TENM3: variants seen among roughly 807,000 people sequenced by gnomAD.
TENM3 encodes the protein teneurin transmembrane protein 3, also known as teneurin-3.
A neutral mutation model predicts 255.1 loss-of-function variants in TENM3; 63 were observed. That is an observed-to-expected ratio of 0.25 (90% CI 0.20 to 0.30). The LOEUF is 0.30. TENM3 is among the 10% of genes least tolerant of loss of function. The pLI is 1.00. For missense variants in TENM3, 2,929 were observed against 3,461.1 expected (o/e 0.85, Z 3.86); for synonymous variants, 1,306 against 1,322.3 (o/e 0.99, Z 0.27).
intron 1 of TENM3, among the ~76,000 whole-genome samples, chr4:182,180,298 G>A (rs558885810): frequency 8.5e-5 from 13 of 152,144 alleles, no homozygotes; most frequent in Non-Finnish European, 1.9e-4. Flanking sequence ...ACATATTTAT[G>A]GAGGACGATA....
At chr4:182,568,883 G>A (rs909658329) in intron 3 of TENM3, among the ~76,000 whole-genome samples, 16 of 152,182 alleles carry the variant, frequency 1.1e-4, no homozygotes, top group African/African-American at 3.9e-4. Flanking sequence ...GCACAAACGA[G>A]TACATACTGT....
chr4:181,767,027 C>T, the TENM3 span, among the ~76,000 whole-genome samples: 55 of 146,950 alleles, frequency 3.7e-4, no homozygotes, highest in South Asian at 8.7e-4. Flanking sequence ...CCGAGGCGGG[C>T]GGATCACGAG....
rs193175259 is a variant in TENM3, at chr4:182,411,815, T to C, written c.511+64886T>C. Among the ~76,000 whole-genome samples the C allele has an allele frequency of 3.9e-3, 589 of 152,334 alleles. 3 individuals carry two copies. The highest frequency in any genetic ancestry group is 0.013 in the African/African-American group (552 of 41,574). On this transcript the variant is annotated intron_variant, in intron 3 of 27. Transcript: ENST00000511685. ...TCATGTGAGTTCATACTTTCATTCA[T>C]ACACCTTTTGCTTCTTCCTTGGTTC...
chr4:182,312,032 G>C (rs1341166291), intron 1 of TENM3, among the ~76,000 whole-genome samples: 2 of 152,202 alleles, frequency 1.3e-5, no homozygotes, highest in Non-Finnish European at 2.9e-5. Context: ...CCATATGGGG[G>C]TGTGAGCCCC....
the TENM3 span, among the ~76,000 whole-genome samples, chr4:181,454,691 T>TTTTTTTTTAC: frequency 6.7e-6 from 1 of 150,126 alleles, no homozygotes; most frequent in Non-Finnish European, 1.5e-5. Flanking sequence ...ACTTTTTTTT[T>TTTTTTTTTAC]CTGGTGTGCC....
intron 1 of TENM3, among the ~76,000 whole-genome samples, chr4:182,224,748 T>C (rs1756040542): frequency 6.6e-6 from 1 of 151,584 alleles, no homozygotes; most frequent in African/African-American, 2.4e-5. Flanking sequence ...TTTTTTTTTT[T>C]TTTTTTGAAG....
At chr4:181,696,138 A>G in the TENM3 span, among the ~76,000 whole-genome samples, 1 of 152,176 alleles carries the variant, frequency 6.6e-6, no homozygotes, top group African/African-American at 2.4e-5. Flanking sequence ...AGACTAGTGG[A>G]ATTACATTCC....
At chr4:182,728,883 AAAAC>A in intron 13 of TENM3, 78 bp from the exon 14 acceptor site, 2 of 1,147,112 alleles carry the variant, frequency 1.7e-6, no homozygotes, top group Non-Finnish European at 2.5e-6. Context: ...GAAAAAAAAA[AAAAC>A]AGTCAAGAAA....
chr4:182,647,377 T>C (rs1752848617), intron 5 of TENM3, among the ~76,000 whole-genome samples: 1 of 152,184 alleles, frequency 6.6e-6, no homozygotes, highest in South Asian at 2.1e-4. Flanking sequence ...CAACTCTCCA[T>C]TTCTCCATCC....
chr4:182,043,807 C>T, the TENM3 span, among the ~76,000 whole-genome samples: 4 of 152,134 alleles, frequency 2.6e-5, no homozygotes, highest in African/African-American at 7.2e-5. Context: ...CTTGGCTCTC[C>T]GAAGCCCATT....
chr4:182,291,038 C>T (rs1361556002), intron 1 of TENM3, among the ~76,000 whole-genome samples: 1 of 152,066 alleles, frequency 6.6e-6, no homozygotes, highest in Non-Finnish European at 1.5e-5. Flanking sequence ...CCAGGCTGGT[C>T]TCGAATGCCT....
At chr4:182,617,892 A>G (rs1385548513) in intron 4 of TENM3, among the ~76,000 whole-genome samples, 1 of 152,300 alleles carries the variant, frequency 6.6e-6, no homozygotes, top group African/African-American at 2.4e-5. Context: ...CTTTGTCCCT[A>G]TACGATATAA....
intron 1 of TENM3, among the ~76,000 whole-genome samples, chr4:182,258,841 A>G (rs1188741651): frequency 6.6e-6 from 1 of 152,232 alleles, no homozygotes. Context: ...AGCATTGGTT[A>G]CATAAACATC....
At chr4:182,714,054 A>T (rs1280796720) in intron 12 of TENM3, 33 bp from the exon 13 acceptor site, 11 of 1,605,154 alleles carry the variant, frequency 6.9e-6, no homozygotes, top group Admixed American at 5.0e-5. Context: ...TCAATACTCA[A>T]ATCACTGGTG....
At chr4:182,111,813 G>A in the TENM3 span, among the ~76,000 whole-genome samples, 5 of 152,182 alleles carry the variant, frequency 3.3e-5, no homozygotes, top group Non-Finnish European at 7.4e-5. Flanking sequence ...GGAAGGTGGA[G>A]CCATAGAGGA....
intron 22 of TENM3, among the ~76,000 whole-genome samples, chr4:182,763,885 T>C (rs537740835): frequency 1.8e-4 from 27 of 152,352 alleles, no homozygotes; most frequent in African/African-American, 6.0e-4. Context: ...GGAATTTATC[T>C]TTATGTTCAT....
chr4:182,495,177 G>GATAC (rs2151611244), intron 3 of TENM3, among the ~76,000 whole-genome samples: 1 of 152,324 alleles, frequency 6.6e-6, no homozygotes, highest in East Asian at 1.9e-4. Flanking sequence ...GCTCTCTGAT[G>GATAC]ATACCCCTTA....
At chr4:181,837,702 A>G in the TENM3 span, among the ~76,000 whole-genome samples, 2 of 152,210 alleles carry the variant, frequency 1.3e-5, no homozygotes, top group Non-Finnish European at 2.9e-5. Flanking sequence ...TGATCAAAAG[A>G]AAGATCTTTC....
chr4:181,624,578 A>G, the TENM3 span, among the ~76,000 whole-genome samples: 1 of 152,222 alleles, frequency 6.6e-6, no homozygotes, highest in Admixed American at 6.5e-5. Context: ...ATTATTATGA[A>G]AGAAGCAAAG....
Sources: allele counts gnomAD v4.1 joint callset (sites outside exome capture counted in the v4.1 genomes callset), GRCh38; gene constraint gnomAD v4.1.1; transcripts MANE v1.5; gene names NCBI Gene and HGNC (gene_info 2026-07-23, HGNC 2026-07-21).